Variants in IL6R observed in about 807,000 individuals in gnomAD.
The protein encoded by IL6R is interleukin-6 receptor subunit alpha.
IL6R carries 38 observed loss-of-function variants against 48.3 expected under a neutral mutation model. The observed-to-expected ratio is 0.79, with a 90% confidence interval of 0.61 to 1.03. The LOEUF is 1.03. Among genes scored for constraint, IL6R ranks in the 50% least tolerant of loss-of-function variants. The pLI is 0.00. For missense variants in IL6R, 534 were observed against 618.3 expected (o/e 0.86, Z 1.45); for synonymous variants, 264 against 256.2 (o/e 1.03, Z -0.29).
At chr1:154,434,735 C>G (rs754007855) in intron 4 of IL6R, 35 bp downstream of exon 4, 11 of 1,586,916 alleles carry the variant, frequency 6.9e-6, no homozygotes, top group Non-Finnish European at 8.6e-6. Context: ...CAGCAGTTTC[C>G]TTCTCTTTTG....
intron 1 of IL6R, chr1:154,414,751 G>T (rs1476233419): frequency 2.6e-6 from 2 of 777,412 alleles, no homozygotes; most frequent in Admixed American, 1.9e-5. Context: ...GTAGACATTG[G>T]TCTGGATGTC....
intron 2 of IL6R, among the ~76,000 whole-genome samples, chr1:154,429,769 A>G (rs1368466186): frequency 6.6e-6 from 1 of 152,088 alleles, no homozygotes; most frequent in Non-Finnish European, 1.5e-5. Context: ...CTTCAGTTTC[A>G]TCTTTGGCAA....
rs1424382616 is a variant in IL6R, at chr1:154,466,867, A to G, written c.*1487A>G. ...ACCCTGTCTCAAAAAAAGAAAAAGA[A>G]AAAGAAAAAATATTTTCCCTATTAG... On this transcript the variant is annotated 3_prime_UTR_variant, in exon 10 of 10. Coordinates refer to ENST00000368485, the MANE Select transcript of IL6R (RefSeq NM_000565.4). 1 of 157,438 alleles carries G rather than the reference A, an allele frequency of 6.4e-6. No homozygotes were observed. Among genetic ancestry groups the G allele is most frequent in the East Asian group, 1.8e-4 (1 of 5,712 alleles). 9.8% of individuals were successfully genotyped at this position (157,438 alleles called of 1,614,324 possible). A position where few individuals can be genotyped will look rare whatever the true frequency, so the allele number is the denominator to read the frequency against.
intron 9 of IL6R, among the ~76,000 whole-genome samples, chr1:154,458,444 C>T (rs927562818): frequency 1.3e-5 from 2 of 152,166 alleles, no homozygotes; most frequent in African/African-American, 4.8e-5. Context: ...CAAAGGATTC[C>T]TTGCCTCACC....
At chr1:154,459,633 T>C (rs1691128574) in intron 9 of IL6R, among the ~76,000 whole-genome samples, 2 of 152,240 alleles carry the variant, frequency 1.3e-5, no homozygotes, top group South Asian at 4.1e-4. Flanking sequence ...TTTCTTTGTT[T>C]TTTATTACTC....
chr1:154,413,106 A>C (rs892986799), intron 1 of IL6R, among the ~76,000 whole-genome samples: 1 of 151,834 alleles, frequency 6.6e-6, no homozygotes, highest in Non-Finnish European at 1.5e-5. Flanking sequence ...GGTTCAAGCA[A>C]TTCTCCTGCC....
chr1:154,463,393 G>A (rs950875405), intron 9 of IL6R, among the ~76,000 whole-genome samples: 1 of 152,110 alleles, frequency 6.6e-6, no homozygotes, highest in African/African-American at 2.4e-5. Flanking sequence ...TATTTCATTT[G>A]GATACCAAGC....
intron 3 of IL6R, among the ~76,000 whole-genome samples, chr1:154,432,945 A>C (rs956270945): frequency 1.3e-5 from 2 of 152,074 alleles, no homozygotes; most frequent in East Asian, 3.9e-4. Context: ...CTGCTTTCAC[A>C]CCCTTGCCCA....
chr1:154,429,170 C>T (rs994295810), intron 1 of IL6R, 26 bp from the exon 2 acceptor site: 1 of 1,598,410 alleles, frequency 6.3e-7, no homozygotes, highest in African/African-American at 1.3e-5. Flanking sequence ...GCTGTGGGCT[C>T]ACCAAGTGTC....
chr1:154,452,800 G>C (rs1214588152), intron 8 of IL6R, among the ~76,000 whole-genome samples: 4 of 148,942 alleles, frequency 2.7e-5, no homozygotes, highest in African/African-American at 9.9e-5. Context: ...CACTGAGCAA[G>C]ACTCCGTCTC....
rs571634562 is a variant in IL6R, at chr1:154,413,009, T to C, written c.85+7295T>C. Among the ~76,000 whole-genome samples, 470 of 144,334 alleles carry C rather than the reference T, an allele frequency of 3.3e-3. 1 individual carries two copies. Among genetic ancestry groups the C allele is most frequent in the African/African-American group, 7.2e-3 (284 of 39,718 alleles). The allele number at this position is 144,334 out of a possible 152,430, so 94.7% of individuals were successfully genotyped here. ...GAGTTTATTTATCTGGTTCCCCCCC[T>C]TTTTTTTTTTGAGACAGAGTCTTGC... On this transcript the variant is annotated intron_variant, in intron 1 of 9. Transcript: ENST00000368485.
chr1:154,418,581 G>A (rs1288551231), intron 1 of IL6R: 4 of 198,042 alleles, frequency 2.0e-5, no homozygotes, highest in Non-Finnish European at 3.6e-5. Flanking sequence ...GTCAGAGAAG[G>A]TTGCTGGGCC....
chr1:154,415,138 C>T (rs1322027556), intron 1 of IL6R: 6 of 922,114 alleles, frequency 6.5e-6, no homozygotes, highest in East Asian at 2.6e-5. Flanking sequence ...TTGTACTTGC[C>T]GTCCTCAGCC....
rs1457317496 is a variant in IL6R at position 154,465,650 on chromosome 1, C to T, written c.*270C>T. 2.1e-6 allele frequency: 1 copy of T among 473,794 alleles called. No individual in the cohort carries two copies. The highest frequency in any genetic ancestry group is 3.9e-6 in the Non-Finnish European group (1 of 258,302). The allele number at this position is 473,794 out of a possible 1,614,324, so 29.3% of individuals were successfully genotyped here. On this transcript the variant is annotated 3_prime_UTR_variant, in exon 10 of 10. Transcript: ENST00000368485. ...CACTGTGAAGAGAACCATATCAAGA[C>T]TCTTTGGACACTCACACGGACACTC...
chr1:154,408,125 C>T (rs1362817277), intron 1 of IL6R, among the ~76,000 whole-genome samples: 1 of 152,088 alleles, frequency 6.6e-6, no homozygotes, highest in African/African-American at 2.4e-5. Context: ...TTTTTGAACC[C>T]TAACCCAGAT....
At position 154,467,090 on chromosome 1, in the gene IL6R, C is replaced by A. The variant is rs113977424; in HGVS notation, c.*1710C>A. On this transcript the variant is annotated 3_prime_UTR_variant, in exon 10 of 10. Transcript: ENST00000368485. ...CCGGCAGGGTCCTAGAAATTCCCCA[C>A]CCTGAAAGCCCTGAGCTTTCTGCTA... 1.3e-5 allele frequency: 2 copies of A among 152,116 alleles called. No individual in the cohort carries two copies. Among genetic ancestry groups the A allele is most frequent in the Non-Finnish European group, 2.9e-5 (2 of 68,016 alleles). The allele number at this position is 152,116 out of a possible 1,614,324, so 9.4% of individuals were successfully genotyped here.
chr1:154,462,921 C>T (rs767711909), intron 9 of IL6R, among the ~76,000 whole-genome samples: 3 of 152,322 alleles, frequency 2.0e-5, no homozygotes, highest in South Asian at 2.1e-4. Flanking sequence ...AATTCTCCTG[C>T]GTCAGCCTCC....
Position 154,430,475 on chromosome 1 carries a change from C to T in IL6R, c.335-8C>T. On this transcript the variant is annotated splice_region_variant and splice_polypyrimidine_tract_variant and intron_variant, in intron 2 of 9. Coordinates refer to ENST00000368485, the MANE Select transcript of IL6R (RefSeq NM_000565.4). Reference sequence around the variant, plus strand: ...CGCCTGCTGACACCTGCAATGCTTTCCTTTCAGTTCCCCCCGAGGAGCCCC... The same window carrying T: ...CGCCTGCTGACACCTGCAATGCTTTTCTTTCAGTTCCCCCCGAGGAGCCCC... 6.2e-7 allele frequency: 1 copy of T among 1,612,456 alleles called. No homozygotes were observed. Among genetic ancestry groups the T allele is most frequent in the Non-Finnish European group, 8.5e-7 (1 of 1,179,682 alleles).
chr1:154,447,649 C>G (rs886921148), intron 6 of IL6R, among the ~76,000 whole-genome samples: 1 of 150,894 alleles, frequency 6.6e-6, no homozygotes. Context: ...CAGCTAGTCC[C>G]TTACGGTTGG....
Sources: gnomAD v4.1 joint callset for allele counts (sites outside exome capture counted in the v4.1 genomes callset) on GRCh38, gnomAD v4.1.1 for gene constraint, MANE v1.5 for transcripts, NCBI Gene and HGNC (gene_info 2026-07-23, HGNC 2026-07-21) for gene names.